Variants in TAS1R2 observed in about 807,000 individuals in gnomAD.
TAS1R2 encodes taste 1 receptor member 2.
Under a neutral mutation model 49.3 loss-of-function variants are expected in TAS1R2, and 47 were observed. The ratio of observed to expected loss-of-function variants is 0.95; its 90% CI spans 0.75 to 1.22. TAS1R2 has a LOEUF of 1.22. Among genes scored for constraint, TAS1R2 ranks in the 50% most tolerant of loss-of-function variants. The pLI is 0.00. For synonymous variants in TAS1R2, 479 were observed against 467.9 expected, an observed-to-expected ratio of 1.02 and a Z score of -0.31; for missense variants, 1,155 against 1,122.1, an observed-to-expected ratio of 1.03 and a Z score of -0.42.
chr1:18,855,723 G>A (rs771006957), intron 2 of TAS1R2, among the ~76,000 whole-genome samples: 4 of 152,046 alleles, frequency 2.6e-5, no homozygotes, highest in Admixed American at 6.5e-5. Context: ...TTCACAGATC[G>A]AAACTGAACC....
chr1:18,847,243 G>A lies in TAS1R2; in HGVS notation c.1467+2098C>T, dbSNP rs182827177. ...TCAAAGAGTGCCAGCAAACCACCAG[G>A]AGCTTGGGGAGAAGCCTGGAACAGA... On this transcript the variant is annotated intron_variant, in intron 4 of 5. Transcript: ENST00000375371. Among the ~76,000 whole-genome samples the A allele has an allele frequency of 5.9e-5, 9 of 152,304 alleles. No individual in the cohort carries two copies. In the South Asian group the frequency reaches 6.2e-4, roughly 11 times the overall value.
intron 4 of TAS1R2, among the ~76,000 whole-genome samples, chr1:18,846,026 A>C (rs1933915330): frequency 6.6e-6 from 1 of 152,212 alleles, no homozygotes; most frequent in Non-Finnish European, 1.5e-5. Flanking sequence ...CCTCAGGCTC[A>C]AGGAAAGCCA....
chr1:18,849,284 A>G, intron 4 of TAS1R2, 57 bp downstream of exon 4: 7 of 1,585,654 alleles, frequency 4.4e-6, no homozygotes, highest in Non-Finnish European at 1.7e-6. Flanking sequence ...TAGCCACTCC[A>G]GCAAGGGCCC....
At chr1:18,857,278 G>A (rs1209520308) in intron 2 of TAS1R2, 53 bp downstream of exon 2, 4 of 1,568,088 alleles carry the variant, frequency 2.6e-6, no homozygotes, top group Non-Finnish European at 3.5e-6. Flanking sequence ...CCTCTAGACA[G>A]CCATTCCTCT....
At position 18,854,862 on chromosome 1, in the gene TAS1R2, C is replaced by T. The variant is rs745444965; in HGVS notation, c.608G>A (p.Trp203Ter). The T allele has an allele frequency of 1.9e-6, 3 of 1,611,474 alleles. No individual in the cohort carries two copies. Among genetic ancestry groups the T allele is most frequent in the Non-Finnish European group, 2.5e-6 (3 of 1,179,882 alleles). ...GCTCACCAGCACAATGATCCAGTTC[C>T]AGCGGAAGTGCAGCATCAGCTGCAC... Residue 203 changes from tryptophan to a stop codon, truncating the protein, a stop_gained, in exon 3 of 6, where the codon TGG (tryptophan) becomes TAG (stop). Transcript: ENST00000375371. LOFTEE classifies it high-confidence loss of function. This position sits in a 1 kb window ranked among gnomAD's most constrained non-coding sequence, Gnocchi z 4.9.
exon 6 of TAS1R2, chr1:18,840,224 C>A: frequency 1.2e-6 from 2 of 1,614,140 alleles, no homozygotes; most frequent in Middle Eastern, 1.6e-4. Flanking sequence ...GGCCTGGCGG[C>A]AGAGGCAGGT....
rs1238900407 is a variant in TAS1R2, at chr1:18,856,603, T to C, written c.483+728A>G. Among the ~76,000 whole-genome samples the C allele has an allele frequency of 3.9e-5, 6 of 152,226 alleles. No homozygotes were observed. The East Asian group carries it at 9.6e-4, about 24-fold the overall frequency. ...AGCACCTACAACAGTACCTGGCACA[T>C]AGTAGGTGCTCAATAAATATCTGTT... On this transcript the variant is annotated intron_variant, in intron 2 of 5. Transcript: ENST00000375371.
Position 18,854,851 on chromosome 1 carries a change from T to A in TAS1R2, c.619A>T (p.Ile207Phe). 1 of 1,610,592 alleles carries A rather than the reference T, an allele frequency of 6.2e-7. No individual in the cohort carries two copies. The highest frequency in any genetic ancestry group is 8.5e-7 in the Non-Finnish European group (1 of 1,179,846). The change falls in exon 3 of 6, where the codon ATT becomes TTT. Residue 207 changes from isoleucine (I) to phenylalanine (F), a missense_variant. Ile to Phe is a conservative substitution (Grantham distance 21, BLOSUM62 0). Transcript: ENST00000375371. The surrounding 1 kb of genome is among the most constrained non-coding windows in gnomAD (Gnocchi z 4.9). ...TAGGTGTCGCTGCTCACCAGCACAA[T>A]GATCCAGTTCCAGCGGAAGTGCAGC... is the stretch of plus-strand genomic sequence containing the variant.
chr1:18,854,498 G>A lies in TAS1R2; in HGVS notation c.972C>T (p.Gly324=). Residue 324 remains glycine (G), a synonymous_variant, in exon 3 of 6, where the codon GGC becomes GGT. Transcript: ENST00000375371. The surrounding 1 kb of genome is among the most constrained non-coding windows in gnomAD (Gnocchi z 4.9). ...GGATGGGCACGCTCTGGATGGTGAT[G>A]CCCAGGAAGGTGCCCAAGTGGCGCA... The A allele has an allele frequency of 6.2e-7, 1 of 1,614,042 alleles. No homozygotes were observed.
chr1:18,854,537 G>A lies in TAS1R2; in HGVS notation c.933C>T (p.His311=), dbSNP rs1369053700. 11 of 1,613,850 alleles carry A rather than the reference G, an allele frequency of 6.8e-6. No individual in the cohort carries two copies. The highest frequency in any genetic ancestry group is 1.1e-5 in the South Asian group (1 of 91,082). The stretch of plus-strand genomic sequence containing the variant: ...CCAAGTGGCGCAGCTCCGTGAGGTT[G>A]TGCAGGACCGGGTCGATGGCCCAGG... Residue 311 remains histidine, a synonymous_variant, in exon 3 of 6, where the codon CAC becomes CAT. Transcript: ENST00000375371. The surrounding 1 kb of genome is among the most constrained non-coding windows in gnomAD (Gnocchi z 4.9).
At chr1:18,842,420 G>C (rs1239611384) in intron 4 of TAS1R2, among the ~76,000 whole-genome samples, 1 of 152,180 alleles carries the variant, frequency 6.6e-6, no homozygotes, top group Non-Finnish European at 1.5e-5. Context: ...GGACACTGGA[G>C]AAAATTTTGG....
chr1:18,847,379 A>C (rs1933939561), intron 4 of TAS1R2, among the ~76,000 whole-genome samples: 1 of 124,464 alleles, frequency 8.0e-6, no homozygotes, highest in African/African-American at 2.9e-5. Context: ...CTCCCTACCC[A>C]CCCCAGTCTG....
chr1:18,857,669 C>T, intron 1 of TAS1R2, 38 bp from the exon 2 acceptor site: 1 of 1,589,430 alleles, frequency 6.3e-7, no homozygotes, highest in Non-Finnish European at 8.6e-7. Context: ...GAAGCAGATC[C>T]AGAATGAGGA....
At chr1:18,855,797 A>T (rs1198246087) in intron 2 of TAS1R2, among the ~76,000 whole-genome samples, 3 of 152,156 alleles carry the variant, frequency 2.0e-5, no homozygotes. Context: ...TGAATCCATC[A>T]TTCCAGTGAC....
At position 18,857,636 on chromosome 1, in the gene TAS1R2, A is replaced by G. The variant is rs551937075; in HGVS notation, c.183-5T>C. 3 of 1,609,274 alleles carry G rather than the reference A, an allele frequency of 1.9e-6. No individual in the cohort carries two copies. In the South Asian group the frequency reaches 3.3e-5, roughly 18 times the overall value. On this transcript the variant is annotated splice_region_variant and splice_polypyrimidine_tract_variant and intron_variant, in intron 1 of 5. Transcript: ENST00000375371. ...CCTATCACCTTCACTTCATACCTGG[A>G]GGGGCCACAGCATCATGAGGTGGAA...
chr1:18,843,589 A>C (rs762987239), intron 4 of TAS1R2, among the ~76,000 whole-genome samples: 8 of 152,234 alleles, frequency 5.3e-5, no homozygotes, highest in African/African-American at 1.4e-4. Context: ...ATGACTCTGA[A>C]GAAGGCCCTG....
At chr1:18,848,590 A>G (rs553736612) in intron 4 of TAS1R2, among the ~76,000 whole-genome samples, 1 of 152,274 alleles carries the variant, frequency 6.6e-6, no homozygotes, top group South Asian at 2.1e-4. Flanking sequence ...GGTGAGCAGC[A>G]GGTGAGCGAG....
intron 4 of TAS1R2, among the ~76,000 whole-genome samples, chr1:18,844,875 A>G (rs992484140): frequency 1.3e-5 from 2 of 152,222 alleles, no homozygotes; most frequent in African/African-American, 4.8e-5. Flanking sequence ...TGGAGGCTAC[A>G]GATATGAACC....
At position 18,841,304 on chromosome 1, in the gene TAS1R2, G is replaced by A. The variant is rs79578790; in HGVS notation, c.1591+425C>T. 8.7e-3 allele frequency among the ~76,000 whole-genome samples: 1,320 copies of A among 152,320 alleles called. 18 individuals carry two copies. The highest frequency in any genetic ancestry group is 0.03 in the African/African-American group (1,251 of 41,562). On this transcript the variant is annotated intron_variant, in intron 5 of 5. Coordinates refer to ENST00000375371, the Ensembl canonical transcript of TAS1R2. ...GCAACTATGCTATGCTTTGAGCTACGCTAGGCACTTGGGAGGCCAGAGGGA... is the reference window on the plus strand; with the variant it reads ...GCAACTATGCTATGCTTTGAGCTACACTAGGCACTTGGGAGGCCAGAGGGA...
Sources: allele counts gnomAD v4.1 joint callset (sites outside exome capture counted in the v4.1 genomes callset), GRCh38; gene constraint gnomAD v4.1.1; non-coding constraint Gnocchi (gnomAD v3.1); transcripts MANE v1.5; gene names NCBI Gene and HGNC (gene_info 2026-07-23, HGNC 2026-07-21).